Variants in MTUS1 observed in about 807,000 individuals in gnomAD.
MTUS1 encodes the protein microtubule-associated tumor suppressor 1.
In MTUS1, 109 loss-of-function variants were observed where a neutral mutation model predicts 120.8. That is an observed-to-expected ratio of 0.90 (90% CI 0.77 to 1.06). The LOEUF is 1.06. Among genes scored for constraint, MTUS1 ranks in the 50% least tolerant of loss-of-function variants. The pLI, the probability that MTUS1 is intolerant of heterozygous loss-of-function variation, is 0.00. For synonymous variants in MTUS1, 737 were observed against 550.5 expected, an observed-to-expected ratio of 1.34 and a Z score of -4.74; for missense variants, 2,210 against 1,486.3, an observed-to-expected ratio of 1.49 and a Z score of -8.01.
intron 5 of MTUS1, among the ~76,000 whole-genome samples, chr8:17,714,300 T>C (rs897367341): frequency 6.6e-6 from 1 of 152,134 alleles, no homozygotes; most frequent in African/African-American, 2.4e-5. Flanking sequence ...AGCCTCAAGG[T>C]ACCATATTAT....
intron 6 of MTUS1, among the ~76,000 whole-genome samples, chr8:17,703,829 T>C (rs1819608905): frequency 6.6e-6 from 1 of 151,938 alleles, no homozygotes; most frequent in Non-Finnish European, 1.5e-5. Context: ...TTATCAGGAG[T>C]TTCTGATTTT....
Position 17,725,561 on chromosome 8 carries a change from C to G in MTUS1, c.2288-1728G>C, listed in dbSNP as rs17125218. Among the ~76,000 whole-genome samples the G allele has an allele frequency of 8.0e-3, 1,214 of 152,198 alleles. 19 individuals are homozygous for G. The highest frequency in any genetic ancestry group is 0.027 in the African/African-American group (1,122 of 41,512). ...CCACCCTTTGAATCCTTATTTAACC[C>G]TTTATATCATTGTCTAAACTGTATT... On this transcript the variant is annotated intron_variant, in intron 3 of 14. Coordinates refer to ENST00000693296, the MANE Select transcript of MTUS1 (RefSeq NM_001363059.2).
At chr8:17,739,383 C>G (rs556912271) in intron 3 of MTUS1, among the ~76,000 whole-genome samples, 4 of 151,902 alleles carry the variant, frequency 2.6e-5, no homozygotes, top group Non-Finnish European at 5.9e-5. Context: ...ATCCCAGCTA[C>G]TCGGGAGGCT....
At position 17,723,667 on chromosome 8, in the gene MTUS1, C is replaced by G. The variant is rs2045992896; in HGVS notation, c.2449+5G>C. ...CCCCCGAAGTGTGATATAAAGTCGACTTACAATTGTTGCTGTAAGTGCTCA... is the reference window on the plus strand; with the variant it reads ...CCCCCGAAGTGTGATATAAAGTCGAGTTACAATTGTTGCTGTAAGTGCTCA... On this transcript the variant is annotated splice_donor_5th_base_variant and intron_variant, in intron 4 of 14. Coordinates refer to ENST00000693296, the MANE Select transcript of MTUS1 (RefSeq NM_001363059.2). The G allele has an allele frequency of 1.2e-6, 2 of 1,608,440 alleles. No homozygotes were observed. Among genetic ancestry groups the G allele is most frequent in the Non-Finnish European group, 1.7e-6 (2 of 1,175,470 alleles).
chr8:17,743,616 C>G lies in MTUS1; in HGVS notation c.2275G>C (p.Val759Leu), dbSNP rs1368355110. 3 of 1,613,818 alleles carry G rather than the reference C, an allele frequency of 1.9e-6. No individual in the cohort carries two copies. The highest frequency in any genetic ancestry group is 2.5e-6 in the Non-Finnish European group (3 of 1,179,856). The change falls in exon 3 of 15, where the codon GTG becomes CTG. Residue 759 changes from valine (V) to leucine (L), a missense_variant. Val to Leu is a conservative substitution (Grantham distance 32). Transcript: ENST00000693296. ...ATTTTATTCTTACCAGAACTGGACA[C>G]ACGCCTGATCCTCTGAGGAGATACG... ...RAVSPQRIRR[V>L]SSSGKPTSLK...
At chr8:17,694,515 G>C (rs1817577270) in intron 6 of MTUS1, among the ~76,000 whole-genome samples, 1 of 151,720 alleles carries the variant, frequency 6.6e-6, no homozygotes, top group Non-Finnish European at 1.5e-5. Flanking sequence ...AAAATACAAA[G>C]AAATTAGCCG....
chr8:17,723,470 A>G (rs1281220041), intron 4 of MTUS1: 2 of 636,456 alleles, frequency 3.1e-6, no homozygotes, highest in Middle Eastern at 2.6e-4. Flanking sequence ...TCATGCAAAA[A>G]TATACTTTAA....
intron 7 of MTUS1, among the ~76,000 whole-genome samples, chr8:17,679,745 C>T (rs947638342): frequency 3.9e-5 from 6 of 152,152 alleles, no homozygotes; most frequent in African/African-American, 1.4e-4. Context: ...TCAAGCGATC[C>T]ACCCGCCTCA....
chr8:17,774,379 A>C (rs1486043468), intron 1 of MTUS1, among the ~76,000 whole-genome samples: 1 of 152,234 alleles, frequency 6.6e-6, no homozygotes, highest in African/African-American at 2.4e-5. Context: ...GTACCACCTC[A>C]GTCTCAAATC....
At chr8:17,673,453 T>C (rs111520777) in intron 8 of MTUS1, among the ~76,000 whole-genome samples, 5,551 of 152,158 alleles carry the variant, frequency 0.036, 218 homozygotes, top group South Asian at 0.15. Flanking sequence ...AAAGGGAAGA[T>C]GAATGCAGAG....
At chr8:17,693,427 A>G (rs1326051463) in intron 6 of MTUS1, 1 of 152,172 alleles carries the variant, frequency 6.6e-6, no homozygotes, top group Non-Finnish European at 1.5e-5. Context: ...GATACCACCC[A>G]GTAATAATAT....
intron 6 of MTUS1, among the ~76,000 whole-genome samples, chr8:17,693,085 A>G (rs997016106): frequency 3.3e-5 from 5 of 152,210 alleles, no homozygotes; most frequent in Non-Finnish European, 7.3e-5. Flanking sequence ...AGCAATTAAT[A>G]CAAGAATTTC....
chr8:17,798,535 T>C (rs1423619423), intron 1 of MTUS1, among the ~76,000 whole-genome samples: 2 of 152,206 alleles, frequency 1.3e-5, no homozygotes, highest in Admixed American at 1.3e-4. Context: ...GGTTTCACCA[T>C]GTTGCCCAGG....
At chr8:17,742,272 T>TCTG in intron 3 of MTUS1, among the ~76,000 whole-genome samples, 1 of 124,998 alleles carries the variant, frequency 8.0e-6, no homozygotes, top group Admixed American at 8.0e-5. Flanking sequence ...CCCAGCTGTT[T>TCTG]TTTTTTTTTG....
chr8:17,801,362 C>G (rs907266223), upstream of MTUS1: 3 of 151,888 alleles, frequency 2.0e-5, no homozygotes, highest in African/African-American at 7.2e-5. Context: ...GCGGCTCCTT[C>G]CGAAGGCTCC....
chr8:17,797,139 C>T (rs562438003), intron 1 of MTUS1, among the ~76,000 whole-genome samples: 37 of 152,052 alleles, frequency 2.4e-4, no homozygotes, highest in South Asian at 8.3e-4. Flanking sequence ...AGGCTGAGGG[C>T]GGTGGCTCAT....
At chr8:17,707,431 GAGA>G (rs1357458128) in intron 6 of MTUS1, among the ~76,000 whole-genome samples, 2 of 151,958 alleles carry the variant, frequency 1.3e-5, no homozygotes, top group African/African-American at 4.8e-5. Flanking sequence ...ACTAACCATC[GAGA>G]AGAACCTGGG....
At chr8:17,800,241 C>A (rs1007140631) in intron 1 of MTUS1, among the ~76,000 whole-genome samples, 6 of 152,126 alleles carry the variant, frequency 3.9e-5, no homozygotes, top group African/African-American at 1.4e-4. Context: ...CTACTCCCAC[C>A]CTCCAGCCCC....
chr8:17,724,476 T>C (rs925462194), intron 3 of MTUS1, among the ~76,000 whole-genome samples: 1 of 151,888 alleles, frequency 6.6e-6, no homozygotes, highest in Non-Finnish European at 1.5e-5. Flanking sequence ...CAGGTGGTGC[T>C]ATACTATTAA....
Sources: allele counts gnomAD v4.1 joint callset (sites outside exome capture counted in the v4.1 genomes callset), GRCh38; gene constraint gnomAD v4.1.1; transcripts MANE v1.5; gene names NCBI Gene and HGNC (gene_info 2026-07-23, HGNC 2026-07-21).